SAMD8: variants seen among roughly 807,000 people sequenced by gnomAD.
SAMD8 encodes sterile alpha motif domain containing 8, also known as sphingomyelin synthase-related protein 1.
In SAMD8, 20 loss-of-function variants were observed where a neutral mutation model predicts 42.0. The ratio of observed to expected loss-of-function variants is 0.48; its 90% CI spans 0.34 to 0.69. SAMD8 has a LOEUF of 0.69. Among genes scored for constraint, SAMD8 ranks in the 30% least tolerant of loss-of-function variants. SAMD8 has a pLI of 0.01. For missense variants in SAMD8, 328 were observed against 511.6 expected (o/e 0.64, Z 3.46); for synonymous variants, 162 against 173.0 (o/e 0.94, Z 0.50).
At chr10:75,104,607 C>A (rs148805665) in intron 1 of SAMD8, among the ~76,000 whole-genome samples, 3 of 152,192 alleles carry the variant, frequency 2.0e-5, no homozygotes, top group African/African-American at 7.2e-5. Context: ...AGAGAGCAGG[C>A]AGGGAATCTG....
chr10:75,103,315 C>T (rs560132881), intron 1 of SAMD8, among the ~76,000 whole-genome samples: 14 of 152,226 alleles, frequency 9.2e-5, no homozygotes, highest in Non-Finnish European at 1.8e-4. Context: ...ACCTAGAAGA[C>T]TCAGGCTGAG....
Position 75,176,310 on chromosome 10 carries a change from C to G in SAMD8, c.944-78C>G. 1.2e-6 allele frequency: 2 copies of G among 1,602,654 alleles called. No homozygotes were observed. Among genetic ancestry groups the G allele is most frequent in the Non-Finnish European group, 1.7e-6 (2 of 1,173,776 alleles). The stretch of plus-strand genomic sequence containing the variant: ...TCAGATCCTGTGAAGAATGGCAAAA[C>G]AGCCTGACCTGAGAAACGTGACTGA... On this transcript the variant is annotated intron_variant, in intron 5 of 5. Transcript: ENST00000542569. This position sits in a 1 kb window ranked among gnomAD's most constrained non-coding sequence, Gnocchi z 4.3.
chr10:75,118,644 AAAAAAG>A (rs1159414885), intron 1 of SAMD8, among the ~76,000 whole-genome samples: 1 of 152,226 alleles, frequency 6.6e-6, no homozygotes, highest in Non-Finnish European at 1.5e-5. Flanking sequence ...ACTCCGTCTC[AAAAAAG>A]AAAAAGAAAA....
At position 75,181,652 on chromosome 10, in the gene SAMD8, A is replaced by G. The variant is rs1841083654; in HGVS notation, c.*4960A>G. Reference sequence around the variant, plus strand: ...CTGATATGGCAGGAGAAAGAACACTATGGTAATTTCATTGTTACTTCAGGT... The same window carrying G: ...CTGATATGGCAGGAGAAAGAACACTGTGGTAATTTCATTGTTACTTCAGGT... On this transcript the variant is annotated 3_prime_UTR_variant, in exon 6 of 6. Coordinates refer to ENST00000542569, the MANE Select transcript of SAMD8 (RefSeq NM_001174156.2). 6.6e-6 allele frequency: 1 copy of G among 152,212 alleles called. No homozygotes were observed. Among genetic ancestry groups the G allele is most frequent in the Non-Finnish European group, 1.5e-5 (1 of 68,042 alleles). The allele number at this position is 152,212 out of a possible 1,614,324, so 9.4% of individuals were successfully genotyped here. A position where few individuals can be genotyped will look rare whatever the true frequency, so the allele number is the denominator to read the frequency against.
chr10:75,164,380 C>A, intron 2 of SAMD8: 1 of 305,630 alleles, frequency 3.3e-6, no homozygotes, highest in Non-Finnish European at 4.7e-6. Flanking sequence ...AAAAGGGTTG[C>A]CACTTCTTTT....
Position 75,177,212 on chromosome 10 carries a change from T to G in SAMD8, c.*520T>G, listed in dbSNP as rs1841008285. On this transcript the variant is annotated 3_prime_UTR_variant, in exon 6 of 6. Transcript: ENST00000542569. The stretch of plus-strand genomic sequence containing the variant: ...TTACTGACAAAGAGTTTTTGCCTTC[T>G]GAACCATCTTTAAATATACTGAGCA... 6.5e-6 allele frequency: 1 copy of G among 153,452 alleles called. No homozygotes were observed. Among genetic ancestry groups the G allele is most frequent in the African/African-American group, 2.4e-5 (1 of 41,474 alleles). 9.5% of individuals were successfully genotyped at this position (153,452 alleles called of 1,614,324 possible). A position where few individuals can be genotyped will look rare whatever the true frequency, so the allele number is the denominator to read the frequency against.
Position 75,176,751 on chromosome 10 carries a change from CTT to C in SAMD8, c.*61_*62del. ...TATAATAGTTGTTGAAAATGAGTAA[CTT>C]TGCGTTCTCCCCCTAGGTTGTTCTT... On this transcript the variant is annotated 3_prime_UTR_variant, in exon 6 of 6. Transcript: ENST00000542569. This position sits in a 1 kb window ranked among gnomAD's most constrained non-coding sequence, Gnocchi z 4.3. 2.3e-6 allele frequency: 3 copies of C among 1,294,400 alleles called. No homozygotes were observed. The highest frequency in any genetic ancestry group is 3.1e-5 in the South Asian group (2 of 63,820). 80.2% of individuals were successfully genotyped at this position (1,294,400 alleles called of 1,614,324 possible).
At chr10:75,108,660 G>A (rs1170022955), upstream of SAMD8, among the ~76,000 whole-genome samples, 1 of 152,188 alleles carries the variant, frequency 6.6e-6, no homozygotes, top group Non-Finnish European at 1.5e-5. Flanking sequence ...ATCCAGAGGA[G>A]GGAGGCTGGG....
rs555044248 is a variant in SAMD8 at position 75,130,174 on chromosome 10, G to A, written c.-16+18452G>A. Among the ~76,000 whole-genome samples the A allele has an allele frequency of 1.1e-4, 17 of 152,008 alleles. No individual in the cohort carries two copies. The South Asian group carries it at 2.1e-3, about 19-fold the overall frequency. ...TCTTTATATTAAACAGTTAAGAAGT[G>A]TCTTCAAAATAAGATATGAATGCTT... is the stretch of plus-strand genomic sequence containing the variant. On this transcript the variant is annotated intron_variant, in intron 1 of 5. Transcript: ENST00000542569.
At chr10:75,168,110 C>T (rs950197025) in intron 3 of SAMD8, among the ~76,000 whole-genome samples, 2 of 152,102 alleles carry the variant, frequency 1.3e-5, no homozygotes, top group South Asian at 4.1e-4. Flanking sequence ...GATTCTCCTG[C>T]CTCAGCCTCT....
chr10:75,116,014 T>C (rs1210080643), intron 1 of SAMD8, among the ~76,000 whole-genome samples: 1 of 151,466 alleles, frequency 6.6e-6, no homozygotes, highest in African/African-American at 2.4e-5. Context: ...TGTTTCACCA[T>C]AAAACAATGT....
chr10:75,117,798 T>C (rs940461276), intron 1 of SAMD8, among the ~76,000 whole-genome samples: 3 of 152,252 alleles, frequency 2.0e-5, no homozygotes, highest in African/African-American at 7.2e-5. Flanking sequence ...ATTAGAATTT[T>C]AGATACTTAG....
intron 1 of SAMD8, among the ~76,000 whole-genome samples, chr10:75,120,320 G>A (rs1848975029): frequency 6.6e-6 from 1 of 152,048 alleles, no homozygotes; most frequent in African/African-American, 2.4e-5. Context: ...TGCCCAGGCT[G>A]GAGTGCAGTG....
chr10:75,108,254 A>T, upstream of SAMD8: 2 of 1,549,788 alleles, frequency 1.3e-6, no homozygotes, highest in Non-Finnish European at 1.7e-6. Context: ...AAGCCATGGG[A>T]CCAGGAGGGA....
At position 75,176,820 on chromosome 10, in the gene SAMD8, C is replaced by A; in HGVS notation, c.*128C>A. On this transcript the variant is annotated 3_prime_UTR_variant, in exon 6 of 6. Coordinates refer to ENST00000542569, the MANE Select transcript of SAMD8 (RefSeq NM_001174156.2). The surrounding 1 kb of genome is among the most constrained non-coding windows in gnomAD (Gnocchi z 4.3). Reference sequence around the variant, plus strand: ...TGTTGACAAAGTAAAGTTTTCTGTTCTGAGCAAAGTTATGATTATAAAAAG... The same window carrying A: ...TGTTGACAAAGTAAAGTTTTCTGTTATGAGCAAAGTTATGATTATAAAAAG... The A allele has an allele frequency of 1.5e-6, 1 of 671,644 alleles. No individual in the cohort carries two copies. Among genetic ancestry groups the A allele is most frequent in the Non-Finnish European group, 2.5e-6 (1 of 405,358 alleles). The allele number at this position is 671,644 out of a possible 1,614,324, so 41.6% of individuals were successfully genotyped here. A position where few individuals can be genotyped will look rare whatever the true frequency, so the allele number is the denominator to read the frequency against.
In SAMD8 at chr10:75,178,545, C is replaced by T. The variant is rs2132225551; in HGVS notation, c.*1853C>T. On this transcript the variant is annotated 3_prime_UTR_variant, in exon 6 of 6. Coordinates refer to ENST00000542569, the MANE Select transcript of SAMD8 (RefSeq NM_001174156.2). ...TGATGTTGGCTTTTGGGAAAGGGTT[C>T]AAAAAACTGTATGGCAACATTAATG... The T allele has an allele frequency of 6.6e-6, 1 of 152,218 alleles. No homozygotes were observed. Among genetic ancestry groups the T allele is most frequent in the South Asian group, 2.1e-4 (1 of 4,826 alleles). The allele number at this position is 152,218 out of a possible 1,614,324, so 9.4% of individuals were successfully genotyped here. A position where few individuals can be genotyped will look rare whatever the true frequency, so the allele number is the denominator to read the frequency against.
At chr10:75,122,902 T>TA (rs1468143648) in intron 1 of SAMD8, among the ~76,000 whole-genome samples, 1 of 152,228 alleles carries the variant, frequency 6.6e-6, no homozygotes, top group African/African-American at 2.4e-5. Context: ...CATGGTGAGT[T>TA]ACGTTGTTTG....
intron 1 of SAMD8, among the ~76,000 whole-genome samples, chr10:75,106,097 TTTTC>T (rs1254278041): frequency 0.025 from 2,689 of 109,544 alleles, 28 homozygotes; most frequent in East Asian, 0.095. Context: ...CTTTTCTTTC[TTTTC>T]TTTTTTTTTT....
intron 1 of SAMD8, among the ~76,000 whole-genome samples, chr10:75,118,928 G>A (rs987937100): frequency 2.6e-5 from 4 of 152,110 alleles, no homozygotes; most frequent in Admixed American, 6.5e-5. Context: ...TCTTTATTAT[G>A]TGGATATTAG....
Sources: allele counts gnomAD v4.1 joint callset (sites outside exome capture counted in the v4.1 genomes callset), GRCh38; gene constraint gnomAD v4.1.1; non-coding constraint Gnocchi (gnomAD v3.1); transcripts MANE v1.5; gene names NCBI Gene and HGNC (gene_info 2026-07-23, HGNC 2026-07-21).